Variants in MTNR1A observed in about 807,000 individuals in gnomAD.
MTNR1A encodes the protein melatonin receptor 1A, also known as melatonin receptor type 1A.
Under a neutral mutation model 5.5 loss-of-function variants are expected in MTNR1A, and 7 were observed. The ratio of observed to expected loss-of-function variants is 1.28; its 90% CI spans 0.73 to 2.40. The LOEUF (loss-of-function observed/expected upper bound fraction) is 2.40, where lower values mean the gene tolerates loss of function less well. MTNR1A is among the 30% of genes most tolerant of loss of function. The pLI is 0.00. For missense variants in MTNR1A, 441 were observed against 464.4 expected, an observed-to-expected ratio of 0.95 and a Z score of 0.46; for synonymous variants, 196 against 202.7, an observed-to-expected ratio of 0.97 and a Z score of 0.28.
chr4:186,549,141 T>C (rs1737217074), intron 1 of MTNR1A, among the ~76,000 whole-genome samples: 1 of 151,936 alleles, frequency 6.6e-6, no homozygotes. Context: ...TAGATGGATA[T>C]AGGAGGCATC....
At chr4:186,548,836 TATATATATATAC>T (rs1370333618) in intron 1 of MTNR1A, among the ~76,000 whole-genome samples, 2,468 of 103,694 alleles carry the variant, frequency 0.024, 150 homozygotes, top group African/African-American at 0.07. Context: ...TATATATATA[TATATATATATAC>T]ACTATATATG....
chr4:186,545,437 T>G (rs1387413451), intron 1 of MTNR1A, among the ~76,000 whole-genome samples: 3 of 152,188 alleles, frequency 2.0e-5, no homozygotes, highest in Admixed American at 6.5e-5. Flanking sequence ...GTCCTCACTG[T>G]GGACATGAAC....
chr4:186,541,303 T>C (rs1375741114), intron 1 of MTNR1A, among the ~76,000 whole-genome samples: 1 of 152,094 alleles, frequency 6.6e-6, no homozygotes. Context: ...TTCAAACTGG[T>C]TGTTCATTTT....
intron 1 of MTNR1A, among the ~76,000 whole-genome samples, chr4:186,545,121 C>T (rs1038599403): frequency 1.1e-4 from 17 of 152,136 alleles, no homozygotes; most frequent in Admixed American, 7.9e-4. Flanking sequence ...CTCAGCAAAG[C>T]ACGAGTACCA....
chr4:186,543,350 A>G (rs1217262877), intron 1 of MTNR1A, among the ~76,000 whole-genome samples: 1 of 152,202 alleles, frequency 6.6e-6, no homozygotes, highest in African/African-American at 2.4e-5. Flanking sequence ...AACCCAATAC[A>G]GGCAGGAATG....
At chr4:186,540,874 ACTGAAGGACCAGGTGC>A (rs1737005997) in intron 1 of MTNR1A, among the ~76,000 whole-genome samples, 1 of 133,228 alleles carries the variant, frequency 7.5e-6, no homozygotes, top group Non-Finnish European at 1.6e-5. Flanking sequence ...GTGCTGTCTG[ACTGAAGGACCAGGTGC>A]TGTCTGTCTG....
chr4:186,546,838 A>G, intron 1 of MTNR1A, among the ~76,000 whole-genome samples: 1 of 148,040 alleles, frequency 6.8e-6, no homozygotes, highest in African/African-American at 2.6e-5. Context: ...CACACCGTCC[A>G]CACCACACCC....
rs1275024788 is a variant in MTNR1A, at chr4:186,534,254, A to G, written c.488T>C (p.Leu163Pro). ...LLTLAAVLPN[L>P]RAGTLQYDPR... The stretch of plus-strand genomic sequence containing the variant: ...GTCGTACTGGAGAGTCCCTGCACGG[A>G]GGTTGGGCAGGACGGCCGCCAGCGT... Residue 163 changes from leucine to proline, a missense_variant, in exon 2 of 2, where the codon CTC becomes CCC. Transcript: ENST00000307161. 2 of 1,613,932 alleles carry G rather than the reference A, an allele frequency of 1.2e-6. No homozygotes were observed. Among genetic ancestry groups the G allele is most frequent in the Non-Finnish European group, 1.7e-6 (2 of 1,180,010 alleles).
chr4:186,537,323 A>G (rs1736880060), intron 1 of MTNR1A, among the ~76,000 whole-genome samples: 2 of 152,190 alleles, frequency 1.3e-5, no homozygotes, highest in Admixed American at 1.3e-4. Context: ...GAACTTCACC[A>G]GATAAGAGTC....
chr4:186,533,729 A>G lies in MTNR1A; in HGVS notation c.1013T>C (p.Leu338Pro). 1 of 1,614,196 alleles carries G rather than the reference A, an allele frequency of 6.2e-7. No individual in the cohort carries two copies. Among genetic ancestry groups the G allele is most frequent in the Non-Finnish European group, 8.5e-7 (1 of 1,180,026 alleles). The change falls in exon 2 of 2, where the codon CTG (leucine) becomes CCG (proline). Residue 338 changes from leucine to proline, a missense_variant. Leu to Pro is a moderately conservative substitution (Grantham distance 98). Coordinates refer to ENST00000307161, the MANE Select transcript of MTNR1A (RefSeq NM_005958.4). ...ADRVKWKPSPLMTNNNVVKVD... is the reference protein window; with the variant it reads ...ADRVKWKPSPPMTNNNVVKVD... ...CTTTACTACATTATTGTTGGTCATC[A>G]GTGGAGACGGTTTCCATTTAACCCT... is the stretch of plus-strand genomic sequence containing the variant.
At chr4:186,547,465 G>A (rs1737178924) in intron 1 of MTNR1A, among the ~76,000 whole-genome samples, 1 of 151,872 alleles carries the variant, frequency 6.6e-6, no homozygotes, top group Admixed American at 6.6e-5. Context: ...GGGACATGCT[G>A]TACCCATCAC....
rs150968397 is a variant in MTNR1A, at chr4:186,535,663, G to A, written c.185-1106C>T. On this transcript the variant is annotated intron_variant, in intron 1 of 1. Coordinates refer to ENST00000307161, the MANE Select transcript of MTNR1A (RefSeq NM_005958.4). ...TGGGCTCCAGCCATCCACTTGCCTC[G>A]GCCTCCCAAAGTGCTGGGATGGCAG... is the stretch of plus-strand genomic sequence containing the variant. Among the ~76,000 whole-genome samples, 56 of 152,210 alleles carry A rather than the reference G, an allele frequency of 3.7e-4. 1 individual carries two copies. In the East Asian group the frequency reaches 9.3e-3, roughly 25 times the overall value.
Position 186,552,898 on chromosome 4 carries a change from C to T in MTNR1A, c.184+2284G>A, listed in dbSNP as rs113625221. Among the ~76,000 whole-genome samples the T allele has an allele frequency of 8.2e-4, 125 of 152,316 alleles. 1 individual carries two copies. In the Middle Eastern group the frequency reaches 0.01, roughly 12 times the overall value. ...AGTAGAGCGAATATTCTGTTGGCACCACAGATACCAGTGGTTGTCTGCAGC... is the reference window on the plus strand; with the variant it reads ...AGTAGAGCGAATATTCTGTTGGCACTACAGATACCAGTGGTTGTCTGCAGC... On this transcript the variant is annotated intron_variant, in intron 1 of 1. Transcript: ENST00000307161.
chr4:186,540,237 T>TTGAG (rs1736980653), intron 1 of MTNR1A, among the ~76,000 whole-genome samples: 4 of 152,190 alleles, frequency 2.6e-5, no homozygotes, highest in African/African-American at 9.6e-5. Flanking sequence ...AAAATGAGAT[T>TTGAG]TGAGTAGGGA....
intron 1 of MTNR1A, among the ~76,000 whole-genome samples, chr4:186,553,621 C>T (rs1203334663): frequency 6.6e-6 from 1 of 152,194 alleles, no homozygotes; most frequent in Non-Finnish European, 1.5e-5. Context: ...AAGCGATTCT[C>T]CTGCCTCAGG....
chr4:186,544,837 A>G (rs13113549), intron 1 of MTNR1A, among the ~76,000 whole-genome samples: 62,735 of 151,952 alleles, frequency 0.41, 13,191 homozygotes, highest in East Asian at 0.61. Context: ...ATTTCTCCCC[A>G]AAGTGTCTGT....
rs143712585 is a variant in MTNR1A, at chr4:186,554,982, C to A, written c.184+200G>T. ...AACCCGACTCTGGTGGAGTGTCCCACCTCTTAGGGGCTGTGACTCCGCGCC... is the reference window on the plus strand; with the variant it reads ...AACCCGACTCTGGTGGAGTGTCCCAACTCTTAGGGGCTGTGACTCCGCGCC... On this transcript the variant is annotated intron_variant, in intron 1 of 1. Coordinates refer to ENST00000307161, the MANE Select transcript of MTNR1A (RefSeq NM_005958.4). 1.0e-2 allele frequency among the ~76,000 whole-genome samples: 1,519 copies of A among 152,316 alleles called. 14 individuals carry two copies. Among genetic ancestry groups the A allele is most frequent in the Non-Finnish European group, 0.016 (1,115 of 68,026 alleles).
intron 1 of MTNR1A, among the ~76,000 whole-genome samples, chr4:186,544,798 A>C (rs1737104641): frequency 6.6e-6 from 1 of 152,158 alleles, no homozygotes; most frequent in Non-Finnish European, 1.5e-5. Flanking sequence ...TCTGTCTTTC[A>C]GAGGTGTTGT....
chr4:186,545,905 C>T (rs1185459633), intron 1 of MTNR1A, among the ~76,000 whole-genome samples: 4 of 152,098 alleles, frequency 2.6e-5, no homozygotes, highest in Non-Finnish European at 4.4e-5. Flanking sequence ...TACTTCGAGG[C>T]ATCAAAGCAC....
Sources: allele counts gnomAD v4.1 joint callset (sites outside exome capture counted in the v4.1 genomes callset), GRCh38; gene constraint gnomAD v4.1.1; transcripts MANE v1.5; gene names NCBI Gene and HGNC (gene_info 2026-07-23, HGNC 2026-07-21).